The following ANKS1B variants were observed in gnomAD, a reference collection of about 807,000 sequenced individuals.
ANKS1B encodes the protein ankyrin repeat and sterile alpha motif domain containing 1B, also known as ankyrin repeat and sterile alpha motif domain-containing protein 1B.
ANKS1B carries 36 observed loss-of-function variants against 148.3 expected under a neutral mutation model. The ratio of observed to expected loss-of-function variants is 0.24; its 90% CI spans 0.19 to 0.32. ANKS1B has a LOEUF of 0.32. ANKS1B is among the 10% of genes least tolerant of loss of function. The pLI is 1.00. For synonymous variants in ANKS1B, 542 were observed against 560.8 expected, an observed-to-expected ratio of 0.97 and a Z score of 0.47; for missense variants, 1,157 against 1,542.6, an observed-to-expected ratio of 0.75 and a Z score of 4.19.
chr12:98,981,362 G>C (rs1181569457), intron 17 of ANKS1B, among the ~76,000 whole-genome samples: 2 of 151,838 alleles, frequency 1.3e-5, no homozygotes, highest in Non-Finnish European at 2.9e-5. Context: ...TTGAGGCAGA[G>C]TCTCACTCTG....
At chr12:99,088,753 T>C (rs1340653636) in intron 15 of ANKS1B, among the ~76,000 whole-genome samples, 1 of 151,546 alleles carries the variant, frequency 6.6e-6, no homozygotes, top group Non-Finnish European at 1.5e-5. Flanking sequence ...ACAATAAACA[T>C]TCCCATTCTT....
At chr12:99,168,171 A>G (rs1277060881) in intron 14 of ANKS1B, among the ~76,000 whole-genome samples, 1 of 152,190 alleles carries the variant, frequency 6.6e-6, no homozygotes, top group African/African-American at 2.4e-5. Flanking sequence ...AAAAGGGTAC[A>G]CTTTAAATAT....
intron 14 of ANKS1B, among the ~76,000 whole-genome samples, chr12:99,191,315 T>A (rs1382166914): frequency 6.6e-6 from 1 of 152,152 alleles, no homozygotes; most frequent in Non-Finnish European, 1.5e-5. Context: ...GAACCAGAAA[T>A]ACCATTTGAC....
At chr12:99,957,171 C>G (rs2095337350) in intron 1 of ANKS1B, among the ~76,000 whole-genome samples, 1 of 152,192 alleles carries the variant, frequency 6.6e-6, no homozygotes, top group Non-Finnish European at 1.5e-5. Flanking sequence ...TCTATACAGA[C>G]TAGAACATAC....
intron 8 of ANKS1B, among the ~76,000 whole-genome samples, chr12:99,698,797 AT>A (rs2054326782): frequency 6.6e-6 from 1 of 152,090 alleles, no homozygotes; most frequent in South Asian, 2.1e-4. Flanking sequence ...AAATATGACT[AT>A]TTCTGGAATA....
At chr12:99,161,408 C>T (rs1335510270) in intron 14 of ANKS1B, among the ~76,000 whole-genome samples, 1 of 151,950 alleles carries the variant, frequency 6.6e-6, no homozygotes, top group Non-Finnish European at 1.5e-5. Flanking sequence ...ATGTGCCTAT[C>T]ATCCCAGCTA....
intron 15 of ANKS1B, among the ~76,000 whole-genome samples, chr12:99,107,047 G>A (rs1044623803): frequency 1.3e-5 from 2 of 151,752 alleles, no homozygotes; most frequent in Admixed American, 6.6e-5. Flanking sequence ...GATGAATGAC[G>A]GATGCTGCAG....
At chr12:99,344,369 T>G (rs922872903) in intron 12 of ANKS1B, among the ~76,000 whole-genome samples, 2 of 152,108 alleles carry the variant, frequency 1.3e-5, no homozygotes, top group African/African-American at 2.4e-5. Context: ...TTTGTAGCAC[T>G]CATGCTATTG....
At chr12:99,399,395 A>T (rs369841704) in intron 12 of ANKS1B, among the ~76,000 whole-genome samples, 1 of 152,102 alleles carries the variant, frequency 6.6e-6, no homozygotes, top group African/African-American at 2.4e-5. Context: ...TGGTATTTTT[A>T]CTACTATAAT....
chr12:99,003,304 G>T (rs2099934109), intron 17 of ANKS1B, among the ~76,000 whole-genome samples: 1 of 152,076 alleles, frequency 6.6e-6, no homozygotes, highest in African/African-American at 2.4e-5. Flanking sequence ...AATTATTCCG[G>T]CTACTCAGGG....
intron 8 of ANKS1B, among the ~76,000 whole-genome samples, chr12:99,698,958 C>G (rs920498314): frequency 6.2e-5 from 6 of 97,080 alleles, no homozygotes; most frequent in South Asian, 5.6e-4. Flanking sequence ...TACTGCTGTT[C>G]TGTGTGTGTG....
chr12:98,857,298 G>A (rs1023068587), intron 17 of ANKS1B, among the ~76,000 whole-genome samples: 2 of 152,226 alleles, frequency 1.3e-5, no homozygotes, highest in Non-Finnish European at 2.9e-5. Context: ...CTGCATGAGA[G>A]GAGTGGGATA....
At chr12:98,923,414 A>C (rs1296096818) in intron 17 of ANKS1B, among the ~76,000 whole-genome samples, 3 of 152,214 alleles carry the variant, frequency 2.0e-5, no homozygotes, top group African/African-American at 4.8e-5. Flanking sequence ...AGACTAAGAC[A>C]GAGGTCTTCA....
intron 12 of ANKS1B, among the ~76,000 whole-genome samples, chr12:99,284,318 G>A (rs2078843762): frequency 6.6e-6 from 1 of 152,130 alleles, no homozygotes; most frequent in African/African-American, 2.4e-5. Flanking sequence ...GGAAGAGTTG[G>A]GTGCTTTACC....
At chr12:99,081,229 G>A (rs2049636573) in intron 16 of ANKS1B, among the ~76,000 whole-genome samples, 2 of 152,016 alleles carry the variant, frequency 1.3e-5, no homozygotes, top group African/African-American at 4.8e-5. Context: ...AATATGCTTT[G>A]AAGTGTGCTA....
intron 12 of ANKS1B, among the ~76,000 whole-genome samples, chr12:99,330,727 G>T (rs762388470): frequency 6.6e-6 from 1 of 151,900 alleles, no homozygotes; most frequent in Non-Finnish European, 1.5e-5. Flanking sequence ...AATCTGTTCG[G>T]TCTTTCATGC....
intron 1 of ANKS1B, among the ~76,000 whole-genome samples, chr12:99,861,950 T>G (rs1484673782): frequency 1.0e-5 from 1 of 97,156 alleles, no homozygotes; most frequent in Admixed American, 1.6e-4. Flanking sequence ...TCCCTTTCAG[T>G]AGCCAAAAAG....
intron 8 of ANKS1B, among the ~76,000 whole-genome samples, chr12:99,662,108 T>C (rs1399113394): frequency 2.6e-5 from 4 of 152,210 alleles, no homozygotes; most frequent in Non-Finnish European, 5.9e-5. Context: ...TCTTTCTCTT[T>C]AAGCCATTAT....
At chr12:98,957,147 A>G (rs970169672) in intron 17 of ANKS1B, among the ~76,000 whole-genome samples, 1 of 152,114 alleles carries the variant, frequency 6.6e-6, no homozygotes, top group East Asian at 1.9e-4. Context: ...AAGGAATGGG[A>G]TTTCCTTCTT....
Sources: allele counts gnomAD v4.1 joint callset (sites outside exome capture counted in the v4.1 genomes callset), GRCh38; gene constraint gnomAD v4.1.1; transcripts MANE v1.5; gene names NCBI Gene and HGNC (gene_info 2026-07-23, HGNC 2026-07-21).